The following TENM3 variants were observed in gnomAD, a reference collection of about 807,000 sequenced individuals.
TENM3 encodes the protein teneurin transmembrane protein 3, also known as teneurin-3.
Under a neutral mutation model 255.1 loss-of-function variants are expected in TENM3, and 63 were observed. The ratio of observed to expected loss-of-function variants is 0.25; its 90% confidence interval spans 0.20 to 0.30. TENM3 has a LOEUF of 0.30. Among genes scored for constraint, TENM3 ranks in the 10% least tolerant of loss-of-function variants. The pLI is 1.00. For synonymous variants in TENM3, 1,306 were observed against 1,322.3 expected (o/e 0.99, Z 0.27); for missense variants, 2,929 against 3,461.1 (o/e 0.85, Z 3.86).
chr4:182,428,536 C>A lies in TENM3; in HGVS notation c.511+81607C>A, dbSNP rs192911458. 2.3e-3 allele frequency among the ~76,000 whole-genome samples: 341 copies of A among 151,476 alleles called. 1 individual carries two copies. Among genetic ancestry groups the A allele is most frequent in the African/African-American group, 7.6e-3 (313 of 41,256 alleles). ...ATAGAGCCAGATCATTTTATGGATG[C>A]CAATAGTTGGAGTTCTTTGGTCAGC... On this transcript the variant is annotated intron_variant, in intron 3 of 27. Transcript: ENST00000511685.
the TENM3 span, among the ~76,000 whole-genome samples, chr4:182,094,699 G>T: frequency 6.6e-6 from 1 of 152,176 alleles, no homozygotes; most frequent in Non-Finnish European, 1.5e-5. Context: ...CTAGAAAGAT[G>T]TGTCCTCGAA....
intron 1 of TENM3, among the ~76,000 whole-genome samples, chr4:182,295,447 T>G (rs2150345057): frequency 6.6e-6 from 1 of 152,054 alleles, no homozygotes; most frequent in Non-Finnish European, 1.5e-5. Context: ...TTTTAAATTT[T>G]TATTAGCGAT....
At chr4:182,287,551 C>G (rs1289523847) in intron 1 of TENM3, among the ~76,000 whole-genome samples, 1 of 152,128 alleles carries the variant, frequency 6.6e-6, no homozygotes, top group Non-Finnish European at 1.5e-5. Flanking sequence ...AGTAGTTGTC[C>G]TCTCCTCAAC....
At chr4:182,331,023 C>T (rs1763715969) in intron 2 of TENM3, among the ~76,000 whole-genome samples, 3 of 152,096 alleles carry the variant, frequency 2.0e-5, no homozygotes, top group Non-Finnish European at 2.9e-5. Context: ...CAATGACAAA[C>T]ATATATTTGA....
chr4:182,105,935 A>G, the TENM3 span, among the ~76,000 whole-genome samples: 1 of 152,232 alleles, frequency 6.6e-6, no homozygotes, highest in Non-Finnish European at 1.5e-5. Flanking sequence ...CCACTGTGCC[A>G]TGTATGCATG....
At chr4:182,766,697 C>A (rs909687409) in intron 22 of TENM3, among the ~76,000 whole-genome samples, 2 of 152,058 alleles carry the variant, frequency 1.3e-5, no homozygotes, top group Admixed American at 6.6e-5. Flanking sequence ...AGGCTCTGCC[C>A]TTGTCTACAT....
chr4:181,453,249 G>C, the TENM3 span, among the ~76,000 whole-genome samples: 1 of 152,180 alleles, frequency 6.6e-6, no homozygotes, highest in African/African-American at 2.4e-5. Flanking sequence ...GAAGTGTCTG[G>C]TGTAAAGGTC....
the TENM3 span, among the ~76,000 whole-genome samples, chr4:181,688,721 T>C: frequency 6.6e-6 from 1 of 152,200 alleles, no homozygotes; most frequent in African/African-American, 2.4e-5. Context: ...AGAGTATCTG[T>C]GTATGTCCAT....
chr4:182,364,470 G>A (rs1467404629), intron 3 of TENM3, among the ~76,000 whole-genome samples: 1 of 152,158 alleles, frequency 6.6e-6, no homozygotes. Flanking sequence ...AGGCTGGAAT[G>A]CAGTGGCGCG....
the TENM3 span, among the ~76,000 whole-genome samples, chr4:181,620,275 A>AAT: frequency 1.4e-5 from 1 of 72,216 alleles, no homozygotes; most frequent in East Asian, 8.9e-4. Flanking sequence ...TAAAAATAAA[A>AAT]ATAAAATAAA....
intron 3 of TENM3, among the ~76,000 whole-genome samples, chr4:182,561,760 C>T (rs1021616154): frequency 6.6e-6 from 1 of 151,880 alleles, no homozygotes; most frequent in Non-Finnish European, 1.5e-5. Flanking sequence ...TAAAAACAAC[C>T]TAAATGCCCA....
chr4:181,642,823 G>A, the TENM3 span, among the ~76,000 whole-genome samples: 222 of 152,182 alleles, frequency 1.5e-3, 1 homozygote, highest in East Asian at 0.034. Flanking sequence ...GTAGATGTGC[G>A]GTATTATTTC....
At chr4:181,965,803 G>C in the TENM3 span, among the ~76,000 whole-genome samples, 4 of 152,144 alleles carry the variant, frequency 2.6e-5, no homozygotes, top group Non-Finnish European at 5.9e-5. Flanking sequence ...ATTTTTAAAA[G>C]AGAAGGTGAG....
chr4:182,207,228 C>T (rs1156891045), intron 1 of TENM3, among the ~76,000 whole-genome samples: 1 of 152,098 alleles, frequency 6.6e-6, no homozygotes, highest in Admixed American at 6.5e-5. Flanking sequence ...AATCTTTGAC[C>T]CGGCAACAAT....
chr4:182,182,894 G>A (rs369766961), intron 1 of TENM3, among the ~76,000 whole-genome samples: 7 of 152,250 alleles, frequency 4.6e-5, no homozygotes, highest in African/African-American at 1.7e-4. Context: ...TTTAAACTCA[G>A]TGTACCAACA....
the TENM3 span, among the ~76,000 whole-genome samples, chr4:181,760,197 C>A: frequency 9.9e-5 from 15 of 151,446 alleles, no homozygotes; most frequent in Admixed American, 2.6e-4. Flanking sequence ...CCCCCTCTTC[C>A]TCCAAAAAAA....
At chr4:182,081,583 C>CAAAAA in the TENM3 span, among the ~76,000 whole-genome samples, 55 of 87,416 alleles carry the variant, frequency 6.3e-4, no homozygotes, top group African/African-American at 8.6e-4. Context: ...GGCTCTGCCT[C>CAAAAA]AAAAAAAAAA....
chr4:182,063,461 T>G, the TENM3 span, among the ~76,000 whole-genome samples: 1 of 152,336 alleles, frequency 6.6e-6, no homozygotes, highest in South Asian at 2.1e-4. Flanking sequence ...ACTTAGTACT[T>G]TAAGCACTTT....
the TENM3 span, among the ~76,000 whole-genome samples, chr4:181,467,127 T>TA: frequency 1.1e-3 from 25 of 23,014 alleles, no homozygotes; most frequent in South Asian, 6.0e-3. Context: ...ATATATATAT[T>TA]TTTTTTTTTT....
Sources: gnomAD v4.1 joint callset for allele counts (sites outside exome capture counted in the v4.1 genomes callset) on GRCh38, gnomAD v4.1.1 for gene constraint, MANE v1.5 for transcripts, NCBI Gene and HGNC (gene_info 2026-07-23, HGNC 2026-07-21) for gene names.